SEMA4D: variants seen among roughly 807,000 people sequenced by gnomAD.
SEMA4D encodes semaphorin-4D.
Under a neutral mutation model 74.8 loss-of-function variants are expected in SEMA4D, and 22 were observed. The observed-to-expected ratio is 0.29, with a 90% confidence interval of 0.21 to 0.42. The LOEUF (loss-of-function observed/expected upper bound fraction) is 0.42, where lower values mean the gene tolerates loss of function less well. SEMA4D is among the 10% of genes least tolerant of loss of function. The probability of loss-of-function intolerance (pLI) is 1.00; values close to 1 mark genes in which losing one functional copy is unlikely to be tolerated. For missense variants in SEMA4D, 937 were observed against 1,118.4 expected (o/e 0.84, Z 2.31); for synonymous variants, 445 against 463.7 (o/e 0.96, Z 0.52).
rs1380989384 is a variant in SEMA4D, at chr9:89,458,105, G to C, written c.-309-2152C>G. 2.0e-5 allele frequency among the ~76,000 whole-genome samples: 3 copies of C among 152,300 alleles called. No homozygotes were observed. In the East Asian group the frequency reaches 5.8e-4, roughly 29 times the overall value. On this transcript the variant is annotated intron_variant, in intron 1 of 15. Coordinates refer to ENST00000422704, the MANE Select transcript of SEMA4D (RefSeq NM_001371194.2). ...CTTGTGTGGAAAGGGAACTGCCCAA[G>C]ACAGAATAAAAAGGCAGGCTGTGGA...
chr9:89,463,338 A>T (rs958543698), intron 1 of SEMA4D, among the ~76,000 whole-genome samples: 11 of 152,338 alleles, frequency 7.2e-5, no homozygotes, highest in African/African-American at 2.6e-4. Flanking sequence ...TTATTAACCA[A>T]GCCCATTCAT....
chr9:89,403,390 A>G (rs1051642326), intron 3 of SEMA4D, among the ~76,000 whole-genome samples: 7 of 152,092 alleles, frequency 4.6e-5, no homozygotes, highest in African/African-American at 7.2e-5. Context: ...TGCCCACCCA[A>G]CTCTGGTCTA....
At chr9:89,396,890 T>G in intron 5 of SEMA4D, 55 bp from the exon 6 acceptor site, 2 of 1,479,016 alleles carry the variant, frequency 1.4e-6, no homozygotes, top group East Asian at 4.8e-5. Context: ...TGCCCTCCAC[T>G]ATTCAAACTG....
chr9:89,409,500 G>A (rs548019455), intron 2 of SEMA4D, among the ~76,000 whole-genome samples: 31 of 152,236 alleles, frequency 2.0e-4, no homozygotes, highest in African/African-American at 6.3e-4. Flanking sequence ...GTGCATGTGT[G>A]GGGAAGGAGC....
intron 2 of SEMA4D, among the ~76,000 whole-genome samples, chr9:89,411,614 T>C (rs1430764811): frequency 1.3e-5 from 2 of 152,222 alleles, no homozygotes; most frequent in South Asian, 2.1e-4. Context: ...CTACTTCACT[T>C]TAAAATTACC....
chr9:89,491,055 T>C (rs1282196752), intron 1 of SEMA4D, among the ~76,000 whole-genome samples: 1 of 125,118 alleles, frequency 8.0e-6, no homozygotes, highest in Non-Finnish European at 1.7e-5. Flanking sequence ...CAAAACTCAG[T>C]TAGCTGTGTT....
chr9:89,461,705 T>TTCTCTC (rs1857286895), intron 1 of SEMA4D, among the ~76,000 whole-genome samples: 1 of 123,300 alleles, frequency 8.1e-6, no homozygotes, highest in African/African-American at 3.3e-5. Context: ...TTTCTCTTTT[T>TTCTCTC]TTTTTTTTTT....
chr9:89,413,580 T>C (rs1845004197), intron 2 of SEMA4D, among the ~76,000 whole-genome samples: 1 of 152,264 alleles, frequency 6.6e-6, no homozygotes. Context: ...ACAGGTGTGT[T>C]GTGTACATGT....
chr9:89,442,144 T>C (rs1178385122), intron 2 of SEMA4D, among the ~76,000 whole-genome samples: 1 of 131,456 alleles, frequency 7.6e-6, no homozygotes, highest in Non-Finnish European at 1.6e-5. Flanking sequence ...CCTTTTCCCC[T>C]GGCCCAGGAC....
Position 89,393,853 on chromosome 9 carries a change from C to T in SEMA4D, c.415-198G>A, listed in dbSNP as rs549870432. ...CTCAGCTCAGGTCTAGACATCAGCACCTTGGTGCCCTTGCTCCGTTGCCCT... is the reference window on the plus strand; with the variant it reads ...CTCAGCTCAGGTCTAGACATCAGCATCTTGGTGCCCTTGCTCCGTTGCCCT... On this transcript the variant is annotated intron_variant, in intron 6 of 15. Transcript: ENST00000422704. 3.1e-4 allele frequency among the ~76,000 whole-genome samples: 47 copies of T among 152,342 alleles called. 1 individual carries two copies. The highest frequency in any genetic ancestry group is 5.3e-4 in the Non-Finnish European group (36 of 68,034).
At position 89,368,127 on chromosome 9, in the gene SEMA4D, T is replaced by G. The variant is rs1376299710; in HGVS notation, c.1883-4177A>C. 5.2e-5 allele frequency: 8 copies of G among 152,464 alleles called. No individual in the cohort carries two copies. In the East Asian group the frequency reaches 1.5e-3, roughly 29 times the overall value. The allele number at this position is 152,464 out of a possible 1,614,324, so 9.4% of individuals were successfully genotyped here. A position where few individuals can be genotyped will look rare whatever the true frequency, so the allele number is the denominator to read the frequency against. ...CCCCCACTGCCATCTCCTGCAGCAC[T>G]CCTCTGTGTCCTCCCGGCATCCCCA... On this transcript the variant is annotated intron_variant, in intron 16 of 18. Transcript: ENST00000339861.
chr9:89,472,955 G>A (rs1860772554), intron 1 of SEMA4D, among the ~76,000 whole-genome samples: 1 of 152,082 alleles, frequency 6.6e-6, no homozygotes, highest in Non-Finnish European at 1.5e-5. Flanking sequence ...AATTAGCCAG[G>A]CATGGTGGCA....
rs964938684 is a variant in SEMA4D at position 89,387,260 on chromosome 9, C to A, written c.1330+126G>T. On this transcript the variant is annotated intron_variant, in intron 12 of 15. Transcript: ENST00000422704. ...AGAAATCTTCTTACGCTCCCACAAA[C>A]CTCCCAGGTCACCTCGAGGGAGGCA... 8 of 778,886 alleles carry A rather than the reference C, an allele frequency of 1.0e-5. 1 individual carries two copies. The highest frequency in any genetic ancestry group is 1.4e-5 in the Non-Finnish European group (7 of 496,788). 48.2% of individuals were successfully genotyped at this position (778,886 alleles called of 1,614,324 possible).
At chr9:89,464,527 T>C (rs1858161753) in intron 1 of SEMA4D, among the ~76,000 whole-genome samples, 1 of 152,124 alleles carries the variant, frequency 6.6e-6, no homozygotes, top group South Asian at 2.1e-4. Context: ...CCCTCAGATG[T>C]GGGGTGCAAC....
At chr9:89,418,053 T>C (rs1846094710) in intron 2 of SEMA4D, 4 of 979,272 alleles carry the variant, frequency 4.1e-6, no homozygotes, top group Non-Finnish European at 4.9e-6. Flanking sequence ...AAAGTGGTTT[T>C]ACCTGTATCT....
intron 2 of SEMA4D, among the ~76,000 whole-genome samples, chr9:89,411,669 C>A (rs1159096320): frequency 6.6e-6 from 1 of 152,176 alleles, no homozygotes; most frequent in Non-Finnish European, 1.5e-5. Flanking sequence ...AAAAAGACAT[C>A]CATGTTCTGG....
rs546083308 is a variant in SEMA4D at position 89,431,334 on chromosome 9, A to G, written c.-244+24554T>C. Reference sequence around the variant, plus strand: ...GAACACCACCTGCAAATGCAGGTAGAGCAACCTCCAGGAGGAGGGACACCA... The same window carrying G: ...GAACACCACCTGCAAATGCAGGTAGGGCAACCTCCAGGAGGAGGGACACCA... On this transcript the variant is annotated intron_variant, in intron 2 of 15. Transcript: ENST00000422704. Among the ~76,000 whole-genome samples, 4 of 152,364 alleles carry G rather than the reference A, an allele frequency of 2.6e-5. No individual in the cohort carries two copies. The East Asian group carries it at 7.7e-4, about 29-fold the overall frequency.
At chr9:89,376,721 T>C (rs1835837088), downstream of SEMA4D, 2 of 1,397,546 alleles carry the variant, frequency 1.4e-6, no homozygotes, top group Admixed American at 4.9e-5. Context: ...CCAGGACAGA[T>C]AAGGAAGGTA....
At chr9:89,433,841 G>T (rs1034263184) in intron 2 of SEMA4D, among the ~76,000 whole-genome samples, 1 of 152,168 alleles carries the variant, frequency 6.6e-6, no homozygotes, top group African/African-American at 2.4e-5. Context: ...CTGGATGCTG[G>T]TACCAGCATA....
Sources: gnomAD v4.1 joint callset for allele counts (sites outside exome capture counted in the v4.1 genomes callset) on GRCh38, gnomAD v4.1.1 for gene constraint, MANE v1.5 for transcripts, NCBI Gene and HGNC (gene_info 2026-07-23, HGNC 2026-07-21) for gene names.